Variants in CARD9 observed in about 807,000 individuals in gnomAD.
CARD9 encodes the protein caspase recruitment domain-containing protein 9.
A neutral mutation model predicts 66.0 loss-of-function variants in CARD9; 53 were observed. The ratio of observed to expected loss-of-function variants is 0.80; its 90% CI spans 0.64 to 1.01. The LOEUF is 1.01. Ranked by LOEUF, CARD9 falls within the 50% of genes least tolerant of loss-of-function variation. The pLI is 0.00. For synonymous variants in CARD9, 387 were observed against 313.8 expected, an observed-to-expected ratio of 1.23 and a Z score of -2.47; for missense variants, 769 against 743.2, an observed-to-expected ratio of 1.03 and a Z score of -0.40.
rs890924397 is a variant in CARD9 at position 136,365,492 on chromosome 9, G to A, written c.1358-275C>T. 5.5e-6 allele frequency: 3 copies of A among 549,508 alleles called. No individual in the cohort carries two copies. The African/African-American group carries it at 5.7e-5, about 10-fold the overall frequency. 34.0% of individuals were successfully genotyped at this position (549,508 alleles called of 1,614,324 possible). On this transcript the variant is annotated intron_variant, in intron 10 of 12. Coordinates refer to ENST00000371732, the MANE Select transcript of CARD9 (RefSeq NM_052813.5). ...TCCCCCGAGCTGGCTGCCTGCCAGG[G>A]AGGAACGCCTCCCAGACCTCGGGGG...
chr9:136,367,698 TCACACTGGAA>T lies in CARD9; in HGVS notation c.1198_1207del (p.Phe400ArgfsTer21), dbSNP rs1833157682. On this transcript the variant is annotated frameshift_variant, in exon 8 of 13. Transcript: ENST00000371732. LOFTEE classifies it high-confidence loss of function. The stretch of plus-strand genomic sequence containing the variant: ...GCCCTCCACGGCCAGTAGCTGCGCC[TCACACTGGAA>T]CACCTGCAGCTGCAGCTCATCCGCC... 1 of 1,602,912 alleles carries T rather than the reference TCACACTGGAA, an allele frequency of 6.2e-7. No homozygotes were observed. Among genetic ancestry groups the T allele is most frequent in the Non-Finnish European group, 8.5e-7 (1 of 1,178,890 alleles).
At chr9:136,365,078 C>A in intron 11 of CARD9, 63 bp downstream of exon 11, 1 of 1,535,684 alleles carries the variant, frequency 6.5e-7, no homozygotes, top group Non-Finnish European at 9.0e-7. Context: ...GGGAGCCACT[C>A]TCCCTGTGAT....
Position 136,367,850 on chromosome 9 carries a change from G to T in CARD9, c.1078-22C>A, listed in dbSNP as rs201988948. 8.8e-4 allele frequency: 1,399 copies of T among 1,583,186 alleles called. 1 individual carries two copies. Among genetic ancestry groups the T allele is most frequent in the Non-Finnish European group, 1.1e-3 (1,331 of 1,167,414 alleles). ...TGGCCTGACGGGACAGCACAAGGCCGACCCTCAGTGAGGGCCCCAAGCTTG... is the reference window on the plus strand; with the variant it reads ...TGGCCTGACGGGACAGCACAAGGCCTACCCTCAGTGAGGGCCCCAAGCTTG... On this transcript the variant is annotated intron_variant, in intron 7 of 12. Coordinates refer to ENST00000371732, the MANE Select transcript of CARD9 (RefSeq NM_052813.5).
chr9:136,370,666 C>T lies in CARD9; in HGVS notation c.663G>A (p.Glu221=). The T allele has an allele frequency of 6.2e-7, 1 of 1,612,786 alleles. No homozygotes were observed. ...GCTTGCGCTCCACCTTGCAGTCGTC[C>T]TCGGCCTTCATGAGGCTGTGCTTGA... The part of the protein sequence containing the change: ...DQLKHSLMKA[E]DDCKVERKHT... Residue 221 remains glutamate, a synonymous_variant, in exon 5 of 13, where the codon GAG becomes GAA. Transcript: ENST00000371732.
chr9:136,372,298 C>A (rs1159303133), intron 1 of CARD9, among the ~76,000 whole-genome samples: 1 of 152,204 alleles, frequency 6.6e-6, no homozygotes, highest in African/African-American at 2.4e-5. Context: ...CACAGTGACC[C>A]CGCTCCCCAC....
rs374298700 is a variant in CARD9 at position 136,370,918 on chromosome 9, C to T, written c.550G>A (p.Asp184Asn). ...ELKRCKEENY[D>N]LAMRLAHQSE... ...TGGTGCGCCAGGCGCATGGCCAGGTCGTAGTTCTCCTCCTTGCAGCGCTTG... is the reference window on the plus strand; with the variant it reads ...TGGTGCGCCAGGCGCATGGCCAGGTTGTAGTTCTCCTCCTTGCAGCGCTTG... The change falls in exon 4 of 13, where the codon GAC becomes AAC. Residue 184 changes from aspartate (D) to asparagine (N), a missense_variant. Transcript: ENST00000371732. 7.6e-5 allele frequency: 122 copies of T among 1,612,096 alleles called. No individual in the cohort carries two copies. Among genetic ancestry groups the T allele is most frequent in the Middle Eastern group, 1.7e-4 (1 of 6,032 alleles).
chr9:136,364,883 G>A (rs1312017852), intron 11 of CARD9: 7 of 596,092 alleles, frequency 1.2e-5, no homozygotes, highest in Non-Finnish European at 1.8e-5. Flanking sequence ...CTCATCCACT[G>A]TAAAGGCCCT....
rs1410210251 is a variant in CARD9 at position 136,370,220 on chromosome 9, C to T, written c.951+74G>A. 18 of 1,556,860 alleles carry T rather than the reference C, an allele frequency of 1.2e-5. No homozygotes were observed. In the East Asian group the frequency reaches 1.6e-4, roughly 14 times the overall value. ...GTCTCCACACCCCACCTTCCAGGCA[C>T]GGAGTGGGCGGAGCTCAGCCCGTCC... On this transcript the variant is annotated intron_variant, in intron 6 of 12. Transcript: ENST00000371732.
Position 136,367,796 on chromosome 9 carries a change from C to T in CARD9, c.1110G>A (p.Gln370=). The change falls in exon 8 of 13, where the codon CAG becomes CAA. Residue 370 remains glutamine, a synonymous_variant. Coordinates refer to ENST00000371732, the MANE Select transcript of CARD9 (RefSeq NM_052813.5). The stretch of plus-strand genomic sequence containing the variant: ...CCTTCTCCTGCAGGCCCCGGGCGTG[C>T]TGTGCGTGCAGCTCCTCCCGCGTGG... The part of the protein sequence containing the change: ...AIATREELHA[Q]HARGLQEKDA... 6.2e-7 allele frequency: 1 copy of T among 1,602,756 alleles called. No homozygotes were observed. Among genetic ancestry groups the T allele is most frequent in the Non-Finnish European group, 8.5e-7 (1 of 1,179,130 alleles).
Position 136,364,219 on chromosome 9 carries a change from C to A in CARD9, c.*83G>T, listed in dbSNP as rs1833056064. The A allele has an allele frequency of 3.2e-6, 5 of 1,550,400 alleles. No individual in the cohort carries two copies. Among genetic ancestry groups the A allele is most frequent in the Non-Finnish European group, 4.4e-6 (5 of 1,146,776 alleles). ...CAAGTCAGCGACGGCTCGGGGAAGT[C>A]TGCGCCCCAGGGCGTCGGCACCCCC... On this transcript the variant is annotated 3_prime_UTR_variant, in exon 13 of 13. Transcript: ENST00000371732.
intron 10 of CARD9, chr9:136,365,576 A>G (rs1350818724): frequency 1.3e-5 from 4 of 317,656 alleles, no homozygotes; most frequent in African/African-American, 8.6e-5. Context: ...ATCTGTGGGC[A>G]TGGCGGCCCT....
At chr9:136,372,162 C>T in intron 1 of CARD9, 68 bp from the exon 2 acceptor site, 8 of 1,576,960 alleles carry the variant, frequency 5.1e-6, no homozygotes, top group Non-Finnish European at 6.0e-6. Flanking sequence ...AGCTCCCACT[C>T]CTTCTCAGAC....
intron 9 of CARD9, 110 bp from the exon 10 acceptor site, chr9:136,366,955 A>G: frequency 7.7e-7 from 1 of 1,299,206 alleles, no homozygotes; most frequent in Non-Finnish European, 1.1e-6. Context: ...CATTGCCGTC[A>G]CCCCCTGCAC....
Position 136,370,405 on chromosome 9 carries a change from G to GATGTA in CARD9, c.835_839dup (p.Gln281ThrfsTer83). 1 of 1,611,282 alleles carries GATGTA rather than the reference G, an allele frequency of 6.2e-7. No individual in the cohort carries two copies. Among genetic ancestry groups the GATGTA allele is most frequent in the Non-Finnish European group, 8.5e-7 (1 of 1,179,374 alleles). On this transcript the variant is annotated frameshift_variant, in exon 6 of 13. Coordinates refer to ENST00000371732, the MANE Select transcript of CARD9 (RefSeq NM_052813.5). LOFTEE classifies it high-confidence loss of function. Reference sequence around the variant, plus strand: ...GCCGCCAGTCCTCCTCCAGTACCTGGATGTAGGGGCTGCTCCTGTCCAGCT... The same window carrying GATGTA: ...GCCGCCAGTCCTCCTCCAGTACCTGGATGTAATGTAGGGGCTGCTCCTGTCCAGCT...
chr9:136,365,408 T>C, intron 10 of CARD9, 191 bp from the exon 11 acceptor site: 1 of 602,986 alleles, frequency 1.7e-6, no homozygotes, highest in East Asian at 2.9e-5. Context: ...GCCTGTTCAT[T>C]GCTCCAGGAG....
chr9:136,364,136 C>T lies in CARD9; in HGVS notation c.*166G>A, dbSNP rs1191323006. On this transcript the variant is annotated 3_prime_UTR_variant, in exon 13 of 13. Coordinates refer to ENST00000371732, the MANE Select transcript of CARD9 (RefSeq NM_052813.5). ...AAAATGAGTGCCGCTTAACAAACGGCCCCAATGCCCGGCAGTCCGGCTGGG... is the reference window on the plus strand; with the variant it reads ...AAAATGAGTGCCGCTTAACAAACGGTCCCAATGCCCGGCAGTCCGGCTGGG... 11 of 1,550,558 alleles carry T rather than the reference C, an allele frequency of 7.1e-6. No individual in the cohort carries two copies. Among genetic ancestry groups the T allele is most frequent in the African/African-American group, 1.4e-5 (1 of 73,182 alleles).
rs757925432 is a variant in CARD9 at position 136,364,089 on chromosome 9, T to C, written c.*213A>G. 1.3e-6 allele frequency: 2 copies of C among 1,550,390 alleles called. No homozygotes were observed. Among genetic ancestry groups the C allele is most frequent in the Non-Finnish European group, 1.7e-6 (2 of 1,146,800 alleles). On this transcript the variant is annotated 3_prime_UTR_variant, in exon 13 of 13. Coordinates refer to ENST00000371732, the MANE Select transcript of CARD9 (RefSeq NM_052813.5). ...ACAGATGGCGTGTGCATGGGGGTGG[T>C]GAGCACCCGCATGGCCTCCGCAAAA...
At chr9:136,366,957 C>T (rs1273981295) in intron 9 of CARD9, 112 bp from the exon 10 acceptor site, 7 of 1,295,840 alleles carry the variant, frequency 5.4e-6, no homozygotes, top group Non-Finnish European at 6.7e-6. Context: ...TTGCCGTCAC[C>T]CCCTGCACAG....
At chr9:136,367,862 G>C (rs1833164129) in intron 7 of CARD9, 34 bp from the exon 8 acceptor site, 1 of 1,578,364 alleles carries the variant, frequency 6.3e-7, no homozygotes, top group African/African-American at 1.3e-5. Context: ...CCCTCAGTGA[G>C]GGCCCCAAGC....
Sources: allele counts gnomAD v4.1 joint callset (sites outside exome capture counted in the v4.1 genomes callset), GRCh38; gene constraint gnomAD v4.1.1; transcripts MANE v1.5; gene names NCBI Gene and HGNC (gene_info 2026-07-23, HGNC 2026-07-21).